The following ITGAD variants were observed in gnomAD, a reference collection of about 807,000 sequenced individuals.
ITGAD encodes the protein integrin subunit alpha D, also known as integrin alpha-D.
A neutral mutation model predicts 139.0 loss-of-function variants in ITGAD; 105 were observed. The ratio of observed to expected loss-of-function variants is 0.76; its 90% CI spans 0.65 to 0.89. ITGAD has a LOEUF of 0.89. Among genes scored for constraint, ITGAD ranks in the 40% least tolerant of loss-of-function variants. The pLI is 0.00. For missense variants in ITGAD, 1,384 were observed against 1,487.3 expected (o/e 0.93, Z 1.14); for synonymous variants, 569 against 598.3 (o/e 0.95, Z 0.71).
chr16:31,394,949 G>C (rs1249729784), intron 2 of ITGAD, among the ~76,000 whole-genome samples: 1 of 152,174 alleles, frequency 6.6e-6, no homozygotes, highest in African/African-American at 2.4e-5. Context: ...AAAGTGCTGG[G>C]ATTACAGGTG....
chr16:31,414,650 A>G (rs770874922), intron 17 of ITGAD, 45 bp downstream of exon 17: 25 of 1,610,988 alleles, frequency 1.6e-5, no homozygotes, highest in Non-Finnish European at 2.1e-5. Context: ...GAGGAGCCCA[A>G]GGCTGGCCTG....
rs553476139 is a variant in ITGAD, at chr16:31,405,821, T to C, written c.705-1694T>C. On this transcript the variant is annotated intron_variant, in intron 7 of 29. Transcript: ENST00000389202. ...ATCTGGCTAATTTTAAAAAACATTT[T>C]TTGTAGATATGGGGTCTTGCTTTAT... is the stretch of plus-strand genomic sequence containing the variant. Among the ~76,000 whole-genome samples, 18 of 152,122 alleles carry C rather than the reference T, an allele frequency of 1.2e-4. 1 individual carries two copies. In the South Asian group the frequency reaches 3.1e-3, roughly 26 times the overall value.
intron 23 of ITGAD, among the ~76,000 whole-genome samples, chr16:31,419,485 A>G (rs985470685): frequency 1.3e-5 from 2 of 152,224 alleles, no homozygotes; most frequent in Admixed American, 6.5e-5. Context: ...CTAGGTTTGC[A>G]TAAGTGCAAC....
chr16:31,407,972 G>T (rs878886357), intron 9 of ITGAD, 56 bp downstream of exon 9: 82 of 1,496,370 alleles, frequency 5.5e-5, no homozygotes, highest in Admixed American at 1.4e-4. Context: ...CAATTGTCCC[G>T]TGCAGGCTTT....
At chr16:31,396,806 A>C (rs1231957914) in intron 2 of ITGAD, among the ~76,000 whole-genome samples, 1 of 152,156 alleles carries the variant, frequency 6.6e-6, no homozygotes, top group Non-Finnish European at 1.5e-5. Context: ...TAAACCCTTG[A>C]CTCTACATAA....
chr16:31,400,644 G>A (rs370746425), intron 5 of ITGAD, among the ~76,000 whole-genome samples: 6 of 152,152 alleles, frequency 3.9e-5, no homozygotes, highest in East Asian at 1.9e-4. Context: ...TCACTCTGTC[G>A]CCCAGGCTGG....
At chr16:31,397,500 C>T in intron 3 of ITGAD, 38 bp downstream of exon 3, 2 of 1,578,424 alleles carry the variant, frequency 1.3e-6, no homozygotes, top group East Asian at 2.3e-5. Context: ...CTCAACCCTC[C>T]TGGACCCAAC....
chr16:31,424,471 A>AGATG lies in ITGAD; in HGVS notation c.3268_3271dup (p.Val1091AspfsTer52). The stretch of plus-strand genomic sequence containing the variant: ...GCTCTCTGATCTCTAAATCAGATGG[A>AGATG]GATGGTGCTAGAAGAAGACGAGGTC... On this transcript the variant is annotated frameshift_variant, in exon 29 of 30. Transcript: ENST00000389202. LOFTEE classifies it high-confidence loss of function. 6.2e-7 allele frequency: 1 copy of AGATG among 1,612,386 alleles called. No individual in the cohort carries two copies. Among genetic ancestry groups the AGATG allele is most frequent in the Non-Finnish European group, 8.5e-7 (1 of 1,178,718 alleles).
chr16:31,411,420 A>G lies in ITGAD; in HGVS notation c.1610A>G (p.Asp537Gly), dbSNP rs764710299. Residue 537 changes from aspartate (D) to glycine (G), a missense_variant, in exon 14 of 30, where the codon GAC becomes GGC. Coordinates refer to ENST00000389202, the MANE Select transcript of ITGAD (RefSeq NM_005353.3). Reference protein sequence around the residue: ...LGDVNEDKLIDVAIGAPGEQE... With the variant: ...LGDVNEDKLIGVAIGAPGEQE... ...GATGTGAATGAGGACAAGCTGATAG[A>G]CGTGGCCATTGGGGCCCCGGGAGAG... 4 of 1,613,726 alleles carry G rather than the reference A, an allele frequency of 2.5e-6. No individual in the cohort carries two copies. The highest frequency in any genetic ancestry group is 2.5e-6 in the Non-Finnish European group (3 of 1,179,890).
intron 17 of ITGAD, 56 bp from the exon 18 acceptor site, chr16:31,414,804 A>ACC: frequency 6.3e-7 from 1 of 1,597,154 alleles, no homozygotes; most frequent in South Asian, 1.1e-5. Context: ...GTGGAGGAGG[A>ACC]CTTGTGGTGG....
At chr16:31,412,124 C>A (rs1024932893) in intron 14 of ITGAD, among the ~76,000 whole-genome samples, 1 of 150,934 alleles carries the variant, frequency 6.6e-6, no homozygotes, top group Non-Finnish European at 1.5e-5. Flanking sequence ...GGCTGGAGTG[C>A]AGTGGCGTAA....
Position 31,403,886 on chromosome 16 carries a change from C to T in ITGAD, c.704+241C>T. On this transcript the variant is annotated intron_variant, in intron 7 of 29. Transcript: ENST00000389202. The surrounding 1 kb of genome is among the most constrained non-coding windows in gnomAD (Gnocchi z 4.4). ...CTCCCCTTTGCCTGGTTCTGCAGAG[C>T]CTGGACCCCAGGACCCCTCCCCACC... 2 of 519,962 alleles carry T rather than the reference C, an allele frequency of 3.8e-6. No individual in the cohort carries two copies. The highest frequency in any genetic ancestry group is 4.4e-5 in the South Asian group (2 of 45,110). 32.2% of individuals were successfully genotyped at this position (519,962 alleles called of 1,614,324 possible).
rs1330985026 is a variant in ITGAD, at chr16:31,410,436, TG to T, written c.1127del (p.Gly376GlufsTer10). ...LGAVGSFSWS[G>X]GAFLYPPNMS... ...GGGCTGTGGGGAGCTTTAGCTGGTC[TG>T]GAGGTGCCTTCCTGTATCCCCCAAA... On this transcript the variant is annotated frameshift_variant, in exon 11 of 30. Transcript: ENST00000389202. LOFTEE classifies it high-confidence loss of function. 6.2e-7 allele frequency: 1 copy of T among 1,614,046 alleles called. No individual in the cohort carries two copies. Among genetic ancestry groups the T allele is most frequent in the Admixed American group, 1.7e-5 (1 of 60,016 alleles).
At chr16:31,408,554 C>G (rs1158466386) in intron 10 of ITGAD, 56 bp downstream of exon 10, 2 of 1,507,132 alleles carry the variant, frequency 1.3e-6, no homozygotes, top group African/African-American at 2.8e-5. Flanking sequence ...TGCACCCACC[C>G]TGGGCTGGGG....
At chr16:31,408,086 C>T (rs938234924) in intron 9 of ITGAD, among the ~76,000 whole-genome samples, 170 bp downstream of exon 9, 2 of 152,154 alleles carry the variant, frequency 1.3e-5, no homozygotes, top group Non-Finnish European at 2.9e-5. Flanking sequence ...ATTCTCTCGC[C>T]TCAGCCTCCT....
Position 31,423,105 on chromosome 16 carries a change from T to C in ITGAD, c.2781-9T>C, listed in dbSNP as rs747705133. On this transcript the variant is annotated splice_polypyrimidine_tract_variant and intron_variant, in intron 23 of 29. Coordinates refer to ENST00000389202, the MANE Select transcript of ITGAD (RefSeq NM_005353.3). ...AGGGCTGTTTTTCACCCACAGGCTC[T>C]CTCTCCAGGCAGGAAGAATCCACCA... 1 of 1,613,252 alleles carries C rather than the reference T, an allele frequency of 6.2e-7. No homozygotes were observed. The highest frequency in any genetic ancestry group is 8.5e-7 in the Non-Finnish European group (1 of 1,179,166).
chr16:31,424,900 T>C (rs1376606911), intron 29 of ITGAD, among the ~76,000 whole-genome samples: 2 of 151,864 alleles, frequency 1.3e-5, no homozygotes, highest in Non-Finnish European at 2.9e-5. Context: ...CATCCGGCCT[T>C]ATCCCATTCT....
chr16:31,397,821 CTG>C lies in ITGAD; in HGVS notation c.342_343del (p.Cys114TrpfsTer42). ...CCTGTGGCCCGACCCTGCACAGAGTCTGTGGGGAGAACTCATACTCAAAGGGT... is the reference window on the plus strand; with the variant it reads ...CCTGTGGCCCGACCCTGCACAGAGTCTGGGGAGAACTCATACTCAAAGGGT... Reference protein sequence around the residue: ...LACGPTLHRVCGENSYSKGSC... With the variant: ...LACGPTLHRVXGENSYSKGSC... On this transcript the variant is annotated frameshift_variant, in exon 5 of 30. Coordinates refer to ENST00000389202, the MANE Select transcript of ITGAD (RefSeq NM_005353.3). LOFTEE classifies it high-confidence loss of function. 1 of 1,613,616 alleles carries C rather than the reference CTG, an allele frequency of 6.2e-7. No homozygotes were observed. Among genetic ancestry groups the C allele is most frequent in the Non-Finnish European group, 8.5e-7 (1 of 1,179,976 alleles).
chr16:31,397,579 C>A lies in ITGAD; in HGVS notation c.242-17C>A. ...AGTGTGTGCTGTGAGTGAGACCCCG[C>A]GTGTCTGCCCTTGCAGTCCGCCCTG... is the stretch of plus-strand genomic sequence containing the variant. On this transcript the variant is annotated splice_polypyrimidine_tract_variant and intron_variant, in intron 3 of 29. Coordinates refer to ENST00000389202, the MANE Select transcript of ITGAD (RefSeq NM_005353.3). 6.2e-7 allele frequency: 1 copy of A among 1,606,250 alleles called. No homozygotes were observed. The highest frequency in any genetic ancestry group is 8.5e-7 in the Non-Finnish European group (1 of 1,179,544).
Sources: gnomAD v4.1 joint callset for allele counts (sites outside exome capture counted in the v4.1 genomes callset) on GRCh38, gnomAD v4.1.1 for gene constraint, Gnocchi (gnomAD v3.1) non-coding constraint, MANE v1.5 for transcripts, NCBI Gene and HGNC (gene_info 2026-07-23, HGNC 2026-07-21) for gene names.